Variants in SLC39A12 observed in about 807,000 individuals in gnomAD.
SLC39A12 encodes the protein solute carrier family 39 member 12.
In SLC39A12, 63 loss-of-function variants were observed where a neutral mutation model predicts 71.1. That is an observed-to-expected ratio of 0.89 (90% confidence interval 0.72 to 1.09). The LOEUF is 1.09. Ranked by LOEUF, SLC39A12 falls within the 50% of genes least tolerant of loss-of-function variation. SLC39A12 has a pLI of 0.00. For missense variants in SLC39A12, 892 were observed against 812.6 expected, an observed-to-expected ratio of 1.10 and a Z score of -1.19; for synonymous variants, 351 against 301.3, an observed-to-expected ratio of 1.16 and a Z score of -1.71.
intron 12 of SLC39A12, among the ~76,000 whole-genome samples, chr10:18,032,721 T>C (rs1464049467): frequency 6.6e-6 from 1 of 152,068 alleles, no homozygotes; most frequent in East Asian, 1.9e-4. Context: ...CATCCCTGTC[T>C]TGTGCCAGTT....
intron 12 of SLC39A12, among the ~76,000 whole-genome samples, chr10:18,015,648 A>G (rs1836356085): frequency 6.6e-6 from 1 of 152,138 alleles, no homozygotes; most frequent in African/African-American, 2.4e-5. Flanking sequence ...ATTTTTAAAA[A>G]AATTTTTAGA....
chr10:17,980,870 A>T (rs1369793790), intron 5 of SLC39A12, among the ~76,000 whole-genome samples: 1 of 152,192 alleles, frequency 6.6e-6, no homozygotes, highest in East Asian at 1.9e-4. Flanking sequence ...TTGCCTACAC[A>T]GGCTGACTAA....
At position 17,953,557 on chromosome 10, in the gene SLC39A12, G is replaced by T. The variant is rs1209095230; in HGVS notation, c.261+20G>T. 1 of 1,612,580 alleles carries T rather than the reference G, an allele frequency of 6.2e-7. No homozygotes were observed. Among genetic ancestry groups the T allele is most frequent in the Non-Finnish European group, 8.5e-7 (1 of 1,179,244 alleles). On this transcript the variant is annotated intron_variant, in intron 2 of 12. Transcript: ENST00000377369. ...AATCTGGTTAGTGAAATAGAATGGG[G>T]TCAGGTATCAGGGCATGTCCAAAAG...
intron 12 of SLC39A12, among the ~76,000 whole-genome samples, chr10:18,021,852 G>A (rs186676308): frequency 9.2e-5 from 14 of 152,178 alleles, no homozygotes; most frequent in Admixed American, 6.5e-4. Flanking sequence ...GTCTGTAAAG[G>A]ATTTTATTTC....
intron 12 of SLC39A12, among the ~76,000 whole-genome samples, chr10:18,025,222 C>A (rs1384060030): frequency 1.0e-5 from 1 of 99,686 alleles, no homozygotes; most frequent in Non-Finnish European, 2.0e-5. Flanking sequence ...GTTCTGTTTT[C>A]TCTTTTTATT....
At chr10:18,038,944 C>G (rs1837141845) in intron 12 of SLC39A12, among the ~76,000 whole-genome samples, 1 of 152,172 alleles carries the variant, frequency 6.6e-6, no homozygotes, top group Non-Finnish European at 1.5e-5. Flanking sequence ...ATCTCAAATT[C>G]TATCTCTTGA....
At chr10:18,009,068 A>T (rs558586696) in intron 12 of SLC39A12, among the ~76,000 whole-genome samples, 2 of 152,278 alleles carry the variant, frequency 1.3e-5, no homozygotes, top group South Asian at 4.1e-4. Flanking sequence ...TTAATTAATT[A>T]AAAAAATGTA....
At chr10:17,994,963 G>A (rs7917336) in intron 9 of SLC39A12, among the ~76,000 whole-genome samples, 8 of 151,880 alleles carry the variant, frequency 5.3e-5, no homozygotes, top group Non-Finnish European at 7.4e-5. Flanking sequence ...GCGCCAAGAC[G>A]GAAAATATAT....
At chr10:18,034,913 A>G (rs1399769167) in intron 12 of SLC39A12, among the ~76,000 whole-genome samples, 1 of 151,836 alleles carries the variant, frequency 6.6e-6, no homozygotes, top group Non-Finnish European at 1.5e-5. Context: ...ATGAAGCTTA[A>G]TTTGGCTGGA....
At chr10:17,988,223 G>A (rs751376980) in intron 7 of SLC39A12, among the ~76,000 whole-genome samples, 25 of 152,114 alleles carry the variant, frequency 1.6e-4, no homozygotes, top group Non-Finnish European at 2.9e-4. Context: ...CAGGAGAATC[G>A]CTTGAACTCG....
Position 18,010,873 on chromosome 10 carries a change from A to C in SLC39A12, c.1947+7515A>C, listed in dbSNP as rs1239481466. 4.6e-5 allele frequency among the ~76,000 whole-genome samples: 7 copies of C among 152,152 alleles called. No homozygotes were observed. In the East Asian group the frequency reaches 1.3e-3, roughly 29 times the overall value. ...CTGCCACCTCTGAGACAGCAAGACC[A>C]ACCGTTCCTCCTCCTCCTCCGTCCC... On this transcript the variant is annotated intron_variant, in intron 12 of 12. Coordinates refer to ENST00000377369, the MANE Select transcript of SLC39A12 (RefSeq NM_001145195.2).
chr10:17,997,034 AAAAGAAAAAG>A (rs1835705025), intron 10 of SLC39A12, among the ~76,000 whole-genome samples: 1 of 150,262 alleles, frequency 6.7e-6, no homozygotes, highest in African/African-American at 2.4e-5. Context: ...AAAAAAAAAA[AAAAGAAAAAG>A]AAAAAAGAAA....
intron 12 of SLC39A12, among the ~76,000 whole-genome samples, chr10:18,006,182 T>C (rs1336529160): frequency 6.6e-6 from 1 of 152,244 alleles, no homozygotes; most frequent in African/African-American, 2.4e-5. Flanking sequence ...AAAGACTAGC[T>C]AGATCTTTGT....
chr10:18,037,580 G>T (rs1464018406), intron 12 of SLC39A12, among the ~76,000 whole-genome samples: 2 of 152,034 alleles, frequency 1.3e-5, no homozygotes, highest in African/African-American at 4.8e-5. Flanking sequence ...TTTATCACTT[G>T]CAGGATTATG....
intron 12 of SLC39A12, among the ~76,000 whole-genome samples, chr10:18,005,029 A>G (rs993028210): frequency 3.5e-5 from 5 of 144,826 alleles, no homozygotes; most frequent in African/African-American, 1.3e-4. Context: ...AGCGATAAGA[A>G]CACATGGACA....
chr10:17,968,967 T>G (rs1231847599), intron 4 of SLC39A12, among the ~76,000 whole-genome samples: 1 of 152,066 alleles, frequency 6.6e-6, no homozygotes, highest in African/African-American at 2.4e-5. Context: ...CTGGAAACCA[T>G]CCTTCTATTC....
chr10:18,011,201 T>G (rs968297375), intron 12 of SLC39A12, among the ~76,000 whole-genome samples: 5 of 152,066 alleles, frequency 3.3e-5, no homozygotes, highest in African/African-American at 1.2e-4. Flanking sequence ...GCAATTATCC[T>G]GCCTCAGCCT....
intron 2 of SLC39A12, among the ~76,000 whole-genome samples, chr10:17,954,642 G>A (rs1037511678): frequency 7.9e-5 from 12 of 152,142 alleles, no homozygotes; most frequent in African/African-American, 2.7e-4. Context: ...GAGAACTCAT[G>A]TGTTTAAATG....
At chr10:17,963,748 C>G (rs1048397324) in intron 3 of SLC39A12, among the ~76,000 whole-genome samples, 1 of 152,176 alleles carries the variant, frequency 6.6e-6, no homozygotes. Flanking sequence ...TTCTGGCTCA[C>G]CAGGCCCATC....
Sources: gnomAD v4.1 joint callset for allele counts (sites outside exome capture counted in the v4.1 genomes callset) on GRCh38, gnomAD v4.1.1 for gene constraint, MANE v1.5 for transcripts, NCBI Gene and HGNC (gene_info 2026-07-23, HGNC 2026-07-21) for gene names.